The following TMEM132B variants were observed in gnomAD, a reference collection of about 807,000 sequenced individuals.
TMEM132B encodes the protein transmembrane protein 132B.
In TMEM132B, 18 loss-of-function variants were observed where a neutral mutation model predicts 90.8. That is an observed-to-expected ratio of 0.20 (90% CI 0.14 to 0.29). The LOEUF (loss-of-function observed/expected upper bound fraction) is 0.29, where lower values mean the gene tolerates loss of function less well. TMEM132B is among the 10% of genes least tolerant of loss of function. The pLI is 1.00. For synonymous variants in TMEM132B, 504 were observed against 523.3 expected (o/e 0.96, Z 0.50); for missense variants, 1,096 against 1,326.8 (o/e 0.83, Z 2.70).
chr12:125,628,642 TCTTAA>T (rs950979628), intron 5 of TMEM132B, among the ~76,000 whole-genome samples: 1 of 152,176 alleles, frequency 6.6e-6, no homozygotes, highest in African/African-American at 2.4e-5. Context: ...CGCAGAAGCC[TCTTAA>T]CTTGATATGA....
intron 1 of TMEM132B, among the ~76,000 whole-genome samples, chr12:125,263,248 T>C (rs1874609638): frequency 6.6e-6 from 1 of 152,192 alleles, no homozygotes; most frequent in African/African-American, 2.4e-5. Context: ...CAGAGTGGAA[T>C]GAACATTTGA....
At chr12:125,310,991 A>G (rs1053024781) in intron 1 of TMEM132B, among the ~76,000 whole-genome samples, 2 of 151,934 alleles carry the variant, frequency 1.3e-5, no homozygotes, top group Admixed American at 1.3e-4. Context: ...GAGCTTCCCA[A>G]CTCTTCAGTG....
rs545888532 is a variant in TMEM132B at position 125,567,660 on chromosome 12, A to G, written c.1294-16191A>G. On this transcript the variant is annotated intron_variant, in intron 4 of 8. Coordinates refer to ENST00000682704, the MANE Select transcript of TMEM132B (RefSeq NM_001366854.1). ...GATAGAGCTAAGTGCTTCCTCGACC[A>G]TTTCTCTCCGTAATGCCATCCACTC... is the stretch of plus-strand genomic sequence containing the variant. Among the ~76,000 whole-genome samples, 7 of 152,162 alleles carry G rather than the reference A, an allele frequency of 4.6e-5. No homozygotes were observed. In the South Asian group the frequency reaches 1.5e-3, roughly 32 times the overall value.
At position 125,547,774 on chromosome 12, in the gene TMEM132B, C is replaced by T. The variant is rs139384225; in HGVS notation, c.1293+28149C>T. On this transcript the variant is annotated intron_variant, in intron 4 of 8. Transcript: ENST00000682704. ...TGGATTCAGCTCAGGAATTCTCATC[C>T]CCAGGCCAGTGGTCCCTGGCTCCAG... Among the ~76,000 whole-genome samples the T allele has an allele frequency of 1.1e-3, 161 of 152,218 alleles. 1 individual carries two copies. The highest frequency in any genetic ancestry group is 3.7e-3 in the African/African-American group (154 of 41,536).
intron 4 of TMEM132B, among the ~76,000 whole-genome samples, chr12:125,557,148 G>A (rs892685805): frequency 1.3e-5 from 2 of 152,062 alleles, no homozygotes; most frequent in African/African-American, 4.8e-5. Context: ...GCATGCTAAT[G>A]TATACACATA....
chr12:125,508,764 T>TTTTC (rs1232122043), intron 3 of TMEM132B, among the ~76,000 whole-genome samples: 57 of 151,876 alleles, frequency 3.8e-4, no homozygotes, highest in African/African-American at 1.9e-4. Flanking sequence ...TTTTCTTTTT[T>TTTTC]TTTCTTTCTT....
chr12:125,527,048 A>G (rs1270437191), intron 4 of TMEM132B, among the ~76,000 whole-genome samples: 1 of 139,776 alleles, frequency 7.2e-6, no homozygotes, highest in Non-Finnish European at 1.6e-5. Flanking sequence ...CCACCCATCC[A>G]CCCTTCCATC....
At chr12:125,534,881 A>G (rs1592980174) in intron 4 of TMEM132B, among the ~76,000 whole-genome samples, 1 of 152,144 alleles carries the variant, frequency 6.6e-6, no homozygotes, top group African/African-American at 2.4e-5. Flanking sequence ...CAGTTTCTCA[A>G]TTGCACATGC....
At chr12:125,527,804 C>A (rs184731670) in intron 4 of TMEM132B, among the ~76,000 whole-genome samples, 1 of 152,374 alleles carries the variant, frequency 6.6e-6, no homozygotes, top group Non-Finnish European at 1.5e-5. Context: ...TCCAACCCAG[C>A]CACCCAAACG....
Position 125,445,595 on chromosome 12 carries a change from C to A in TMEM132B, c.1106+29918C>A, listed in dbSNP as rs1352370908. 6.6e-6 allele frequency among the ~76,000 whole-genome samples: 1 copy of A among 152,194 alleles called. No homozygotes were observed. Among genetic ancestry groups the A allele is most frequent in the East Asian group, 1.9e-4 (1 of 5,196 alleles). ...ACATCTGGCTGCAGTGGTGCATGGG[C>A]AGGACATCCAGTGTTAGTCACTCCA... On this transcript the variant is annotated intron_variant, in intron 3 of 8. Coordinates refer to ENST00000682704, the MANE Select transcript of TMEM132B (RefSeq NM_001366854.1). The surrounding 1 kb of genome is among the most constrained non-coding windows in gnomAD (Gnocchi z 4.3).
chr12:125,610,879 A>G (rs550791493), intron 5 of TMEM132B, among the ~76,000 whole-genome samples: 1 of 152,252 alleles, frequency 6.6e-6, no homozygotes, highest in South Asian at 2.1e-4. Context: ...TTTTGATACC[A>G]GGATAAAATT....
chr12:125,293,436 A>T (rs1875593006), intron 1 of TMEM132B, among the ~76,000 whole-genome samples: 1 of 152,098 alleles, frequency 6.6e-6, no homozygotes, highest in Non-Finnish European at 1.5e-5. Flanking sequence ...GTAGTTTTTC[A>T]GCAATTGTTC....
At chr12:125,295,337 C>T (rs1417982074) in intron 1 of TMEM132B, among the ~76,000 whole-genome samples, 3 of 152,102 alleles carry the variant, frequency 2.0e-5, no homozygotes, top group African/African-American at 4.8e-5. Context: ...GGTCTGTGAG[C>T]GTCTCCTATG....
At chr12:125,563,291 G>A (rs1194004415) in intron 4 of TMEM132B, among the ~76,000 whole-genome samples, 1 of 152,092 alleles carries the variant, frequency 6.6e-6, no homozygotes, top group South Asian at 2.1e-4. Context: ...ATGAAGAGTT[G>A]CCAGAAACCT....
At position 125,518,958 on chromosome 12, in the gene TMEM132B, C is replaced by A. The variant is rs542624124; in HGVS notation, c.1107-481C>A. Among the ~76,000 whole-genome samples, 25 of 152,340 alleles carry A rather than the reference C, an allele frequency of 1.6e-4. 1 individual carries two copies. In the East Asian group the frequency reaches 4.4e-3, roughly 27 times the overall value. ...CCCATGAGGTCCCCACTATTCTCTG[C>A]AAATTCTAAAGCTTGGAGAGTTTTA... On this transcript the variant is annotated intron_variant, in intron 3 of 8. Transcript: ENST00000682704.
intron 1 of TMEM132B, among the ~76,000 whole-genome samples, chr12:125,274,720 C>G (rs1392624904): frequency 6.6e-6 from 1 of 152,200 alleles, no homozygotes; most frequent in African/African-American, 2.4e-5. Context: ...ACATCTTTGT[C>G]TATTTTAGTT....
intron 5 of TMEM132B, among the ~76,000 whole-genome samples, chr12:125,629,346 A>G (rs144407797): frequency 6.6e-6 from 1 of 152,180 alleles, no homozygotes; most frequent in East Asian, 1.9e-4. Context: ...TTTTCAGTAT[A>G]GAGATCGTTT....
At chr12:125,280,646 A>C (rs1875135830) in intron 1 of TMEM132B, among the ~76,000 whole-genome samples, 1 of 152,180 alleles carries the variant, frequency 6.6e-6, no homozygotes, top group African/African-American at 2.4e-5. Flanking sequence ...CTGCTCCCCT[A>C]CGCCGGGACA....
intron 5 of TMEM132B, among the ~76,000 whole-genome samples, chr12:125,640,834 G>A (rs532051937): frequency 1.3e-5 from 2 of 152,132 alleles, no homozygotes; most frequent in Non-Finnish European, 2.9e-5. Flanking sequence ...TCCTGTACAA[G>A]TATGAGCTGT....
Sources: gnomAD v4.1 joint callset for allele counts (sites outside exome capture counted in the v4.1 genomes callset) on GRCh38, gnomAD v4.1.1 for gene constraint, Gnocchi (gnomAD v3.1) non-coding constraint, MANE v1.5 for transcripts, NCBI Gene and HGNC (gene_info 2026-07-23, HGNC 2026-07-21) for gene names.